The following SDCCAG8 variants were observed in gnomAD, a reference collection of about 807,000 sequenced individuals.
SDCCAG8 encodes the protein SHH signaling and ciliogenesis regulator SDCCAG8, also known as serologically defined colon cancer antigen 8.
In SDCCAG8, 74 loss-of-function variants were observed where a neutral mutation model predicts 101.8. The ratio of observed to expected loss-of-function variants is 0.73; its 90% CI spans 0.60 to 0.88. The LOEUF is 0.88. SDCCAG8 is among the 40% of genes least tolerant of loss of function. The pLI is 0.00. For missense variants in SDCCAG8, 787 were observed against 822.6 expected (o/e 0.96, Z 0.53); for synonymous variants, 281 against 292.9 (o/e 0.96, Z 0.41).
At chr1:243,478,745 T>G (rs1432494376) in intron 16 of SDCCAG8, among the ~76,000 whole-genome samples, 1 of 151,936 alleles carries the variant, frequency 6.6e-6, no homozygotes, top group Non-Finnish European at 1.5e-5. Flanking sequence ...GATCATGAGA[T>G]CAAGAGATCG....
chr1:243,417,494 G>C (rs1226146345), intron 14 of SDCCAG8, among the ~76,000 whole-genome samples: 1 of 152,130 alleles, frequency 6.6e-6, no homozygotes. Context: ...ATGCAAGATT[G>C]GGGGTGGTGG....
chr1:243,348,201 A>G (rs77181283), intron 12 of SDCCAG8, among the ~76,000 whole-genome samples: 1 of 102,962 alleles, frequency 9.7e-6, no homozygotes, highest in Non-Finnish European at 2.1e-5. Flanking sequence ...ACGCCCGGCT[A>G]ATTTTTTTTT....
intron 9 of SDCCAG8, among the ~76,000 whole-genome samples, chr1:243,327,436 AT>A (rs1449248035): frequency 4.8e-4 from 70 of 144,788 alleles, no homozygotes; most frequent in South Asian, 8.6e-4. Flanking sequence ...TAAAATTATA[AT>A]TTATAATTTT....
At chr1:243,479,533 C>T (rs1243677404) in intron 16 of SDCCAG8, among the ~76,000 whole-genome samples, 1 of 152,192 alleles carries the variant, frequency 6.6e-6, no homozygotes, top group East Asian at 1.9e-4. Flanking sequence ...TATTATACTC[C>T]TTTTGATTTT....
At chr1:243,476,703 A>G (rs2148210414) in intron 16 of SDCCAG8, among the ~76,000 whole-genome samples, 1 of 152,232 alleles carries the variant, frequency 6.6e-6, no homozygotes, top group East Asian at 1.9e-4. Context: ...ATAGCATTCA[A>G]CAAAATAAAA....
intron 4 of SDCCAG8, among the ~76,000 whole-genome samples, chr1:243,277,586 G>A (rs2149272770): frequency 6.6e-6 from 1 of 152,196 alleles, no homozygotes; most frequent in African/African-American, 2.4e-5. Flanking sequence ...TTTTCTCCCA[G>A]TCTTTGACTT....
At chr1:243,394,714 TA>T (rs1455587856) in intron 13 of SDCCAG8, among the ~76,000 whole-genome samples, 1 of 152,228 alleles carries the variant, frequency 6.6e-6, no homozygotes, top group East Asian at 1.9e-4. Context: ...CCTACGTCCA[TA>T]TGCTGTTTTA....
intron 17 of SDCCAG8, among the ~76,000 whole-genome samples, chr1:243,497,686 T>C (rs1180508184): frequency 4.6e-5 from 7 of 152,214 alleles, no homozygotes; most frequent in Non-Finnish European, 7.3e-5. Context: ...CATTTTACTT[T>C]TACTTCAGGT....
At chr1:243,430,385 G>C (rs1433030874) in intron 16 of SDCCAG8, among the ~76,000 whole-genome samples, 1 of 152,194 alleles carries the variant, frequency 6.6e-6, no homozygotes, top group African/African-American at 2.4e-5. Context: ...AATGAGGTTG[G>C]AGAGGTAGGA....
intron 16 of SDCCAG8, among the ~76,000 whole-genome samples, chr1:243,485,006 TGCACTCCAGCCTGG>T (rs1664505148): frequency 1.3e-5 from 2 of 150,348 alleles, no homozygotes; most frequent in Non-Finnish European, 2.9e-5. Context: ...ATTATGCCAC[TGCACTCCAGCCTGG>T]GCAACAGAGC....
At chr1:243,414,886 T>C (rs72759867) in intron 13 of SDCCAG8, among the ~76,000 whole-genome samples, 17,307 of 151,348 alleles carry the variant, frequency 0.11, 1,112 homozygotes, top group African/African-American at 0.15. Flanking sequence ...CACATGTACA[T>C]GCACACACAC....
intron 16 of SDCCAG8, among the ~76,000 whole-genome samples, chr1:243,457,980 C>T (rs2148148076): frequency 6.6e-6 from 1 of 152,350 alleles, no homozygotes; most frequent in South Asian, 2.1e-4. Context: ...TTAGGCATCA[C>T]TCTCTGGCAG....
chr1:243,284,073 T>A (rs749086107), intron 4 of SDCCAG8, among the ~76,000 whole-genome samples: 6 of 152,228 alleles, frequency 3.9e-5, no homozygotes, highest in Non-Finnish European at 7.3e-5. Context: ...ATTCCTGGTC[T>A]GATAATTTTA....
chr1:243,267,810 C>T, intron 1 of SDCCAG8: 1 of 835,806 alleles, frequency 1.2e-6, no homozygotes, highest in South Asian at 1.3e-5. Flanking sequence ...ATTACACAAT[C>T]AGTTATACAA....
intron 9 of SDCCAG8, among the ~76,000 whole-genome samples, chr1:243,317,320 T>A (rs76650686): frequency 1.3e-5 from 1 of 78,206 alleles, no homozygotes; most frequent in Non-Finnish European, 3.0e-5. Context: ...TTTAGTAGCA[T>A]TTTTTTTTTT....
At chr1:243,443,716 A>T (rs1239399017) in intron 16 of SDCCAG8, among the ~76,000 whole-genome samples, 1 of 152,202 alleles carries the variant, frequency 6.6e-6, no homozygotes, top group African/African-American at 2.4e-5. Flanking sequence ...GAGCCCAAGA[A>T]TAAATTTGGC....
chr1:243,316,975 ATAAC>A lies in SDCCAG8; in HGVS notation c.1068+86_1068+89del. ...TGAGTATTTATTTGGTTATTCTTCTATAACTAAACTTTGTTTTTCAAACACACAA... is the reference window on the plus strand; with the variant it reads ...TGAGTATTTATTTGGTTATTCTTCTATAAACTTTGTTTTTCAAACACACAA... On this transcript the variant is annotated intron_variant, in intron 9 of 17. Transcript: ENST00000366541. 3 of 1,397,508 alleles carry A rather than the reference ATAAC, an allele frequency of 2.1e-6. No individual in the cohort carries two copies. The South Asian group carries it at 3.8e-5, about 18-fold the overall frequency. The allele number at this position is 1,397,508 out of a possible 1,614,324, so 86.6% of individuals were successfully genotyped here.
At chr1:243,325,507 G>A (rs1324454784) in intron 9 of SDCCAG8, among the ~76,000 whole-genome samples, 1 of 151,706 alleles carries the variant, frequency 6.6e-6, no homozygotes, top group Admixed American at 6.6e-5. Flanking sequence ...TTGCCATCTA[G>A]TGTGGCATTT....
intron 9 of SDCCAG8, among the ~76,000 whole-genome samples, chr1:243,317,262 G>C (rs1489364143): frequency 6.6e-6 from 1 of 151,430 alleles, no homozygotes; most frequent in East Asian, 1.9e-4. Flanking sequence ...CAATAATTGG[G>C]AAGTTTTGAG....
Sources: allele counts gnomAD v4.1 joint callset (sites outside exome capture counted in the v4.1 genomes callset), GRCh38; gene constraint gnomAD v4.1.1; transcripts MANE v1.5; gene names NCBI Gene and HGNC (gene_info 2026-07-23, HGNC 2026-07-21).